The following DLGAP2 variants were observed in gnomAD, a reference collection of about 807,000 sequenced individuals.
DLGAP2 encodes the protein DLG associated protein 2.
In DLGAP2, 26 loss-of-function variants were observed where a neutral mutation model predicts 100.3. The ratio of observed to expected loss-of-function variants is 0.26; its 90% CI spans 0.19 to 0.36. The LOEUF is 0.36. DLGAP2 is among the 10% of genes least tolerant of loss of function. DLGAP2 has a pLI of 1.00. For missense variants in DLGAP2, 1,858 were observed against 1,453.2 expected, an observed-to-expected ratio of 1.28 and a Z score of -4.53; for synonymous variants, 886 against 630.1, an observed-to-expected ratio of 1.41 and a Z score of -6.08.
intron 8 of DLGAP2, among the ~76,000 whole-genome samples, chr8:1,639,660 G>A (rs775217699): frequency 2.6e-5 from 4 of 152,216 alleles, no homozygotes; most frequent in East Asian, 3.9e-4. Flanking sequence ...CAGATGTGCC[G>A]TCTCACAGTC....
chr8:831,284 T>A (rs1217759356), intron 1 of DLGAP2, among the ~76,000 whole-genome samples: 2 of 150,670 alleles, frequency 1.3e-5, no homozygotes, highest in Admixed American at 6.6e-5. Context: ...TACATAGGTA[T>A]ATACATGTGC....
chr8:1,072,521 A>G (rs1803466106), intron 2 of DLGAP2, among the ~76,000 whole-genome samples: 1 of 152,146 alleles, frequency 6.6e-6, no homozygotes, highest in African/African-American at 2.4e-5. Flanking sequence ...ATTTCACCGC[A>G]GCGTTTCTCC....
intron 1 of DLGAP2, among the ~76,000 whole-genome samples, chr8:820,697 C>T (rs1438336090): frequency 1.3e-5 from 2 of 152,156 alleles, no homozygotes; most frequent in Non-Finnish European, 2.9e-5. Context: ...ATGTGCATAT[C>T]CTTTGACTCA....
chr8:1,155,583 G>T (rs1796767265), intron 2 of DLGAP2, among the ~76,000 whole-genome samples: 1 of 150,832 alleles, frequency 6.6e-6, no homozygotes, highest in South Asian at 2.1e-4. Flanking sequence ...CTCGCAGGTT[G>T]CAGGGTAGCC....
At chr8:1,544,110 C>T (rs1801454081) in intron 4 of DLGAP2, among the ~76,000 whole-genome samples, 1 of 152,060 alleles carries the variant, frequency 6.6e-6, no homozygotes, top group African/African-American at 2.4e-5. Context: ...GCCATGTTGT[C>T]CAGGCTGGTC....
chr8:930,499 C>T (rs896246388), intron 2 of DLGAP2, among the ~76,000 whole-genome samples: 8 of 152,124 alleles, frequency 5.3e-5, no homozygotes, highest in Non-Finnish European at 1.2e-4. Context: ...AGAAAAGGTC[C>T]GAGGAGGGGA....
intron 1 of DLGAP2, among the ~76,000 whole-genome samples, chr8:905,129 C>A (rs1035428502): frequency 1.3e-5 from 2 of 152,156 alleles, no homozygotes; most frequent in African/African-American, 4.8e-5. Context: ...GGATTCTACC[C>A]TGGAAGGTTG....
intron 2 of DLGAP2, among the ~76,000 whole-genome samples, chr8:1,103,076 G>A (rs369572298): frequency 3.0e-4 from 46 of 151,816 alleles, no homozygotes; most frequent in African/African-American, 1.0e-3. Context: ...CGGGGTCTTC[G>A]TAACTTTCTG....
intron 3 of DLGAP2, among the ~76,000 whole-genome samples, chr8:1,361,171 G>C (rs112784790): frequency 7.0e-4 from 106 of 152,276 alleles, no homozygotes; most frequent in African/African-American, 2.4e-3. Context: ...ATTTGCAACA[G>C]TGTCTGCAGG....
At chr8:979,181 C>T (rs1800259167) in intron 2 of DLGAP2, among the ~76,000 whole-genome samples, 1 of 152,190 alleles carries the variant, frequency 6.6e-6, no homozygotes, top group Admixed American at 6.5e-5. Flanking sequence ...ATCACACTGA[C>T]TTCACAAAGG....
In DLGAP2 at chr8:1,656,346, A is replaced by T. The variant is rs184526444; in HGVS notation, c.1811-11983A>T. Among the ~76,000 whole-genome samples, 852 of 151,940 alleles carry T rather than the reference A, an allele frequency of 5.6e-3. 27 individuals are homozygous for T. The highest frequency in any genetic ancestry group is 0.052 in the Admixed American group (791 of 15,266). On this transcript the variant is annotated intron_variant, in intron 8 of 14. Transcript: ENST00000637795. ...AAAGTTTGAGCCATTTGTTGTGGCC[A>T]GTAGCTAAGTTATTGGTCAGGGCAG...
At chr8:750,507 A>G (rs1185425987) in intron 1 of DLGAP2, among the ~76,000 whole-genome samples, 2 of 152,250 alleles carry the variant, frequency 1.3e-5, no homozygotes. Flanking sequence ...TATAAACAGA[A>G]AATTAAAGAA....
intron 3 of DLGAP2, among the ~76,000 whole-genome samples, chr8:1,412,987 C>T (rs1171570272): frequency 6.6e-6 from 1 of 152,070 alleles, no homozygotes; most frequent in Non-Finnish European, 1.5e-5. Flanking sequence ...CTTGCCCTTC[C>T]TGACCACAGT....
chr8:1,582,823 C>A (rs775632669), intron 6 of DLGAP2, among the ~76,000 whole-genome samples: 4 of 152,134 alleles, frequency 2.6e-5, no homozygotes, highest in African/African-American at 9.7e-5. Flanking sequence ...GTCTCAAACT[C>A]CTGACCTGAA....
At chr8:848,108 G>C (rs776923723) in intron 1 of DLGAP2, among the ~76,000 whole-genome samples, 1 of 152,124 alleles carries the variant, frequency 6.6e-6, no homozygotes, top group Admixed American at 6.6e-5. Flanking sequence ...TCTGTCTGTC[G>C]TGTTTCCTTT....
At chr8:1,222,864 A>C (rs530148010) in intron 2 of DLGAP2, among the ~76,000 whole-genome samples, 81 of 152,248 alleles carry the variant, frequency 5.3e-4, no homozygotes, top group African/African-American at 1.8e-3. Context: ...AGGGGCGTTC[A>C]GATCAGACTG....
At chr8:1,252,249 T>C (rs1799061230) in intron 2 of DLGAP2, among the ~76,000 whole-genome samples, 1 of 152,040 alleles carries the variant, frequency 6.6e-6, no homozygotes. Flanking sequence ...TGTGTTGTCC[T>C]GGGTCGTGGT....
intron 2 of DLGAP2, among the ~76,000 whole-genome samples, chr8:915,949 GCCCGTCCGTCAGTTCA>G (rs1488129890): frequency 7.1e-6 from 1 of 140,396 alleles, no homozygotes; most frequent in Non-Finnish European, 1.5e-5. Flanking sequence ...TCTTTTTTCT[GCCCGTCCGTCAGTTCA>G]CCCGTCCGTC....
At chr8:1,441,010 G>A (rs997486283) in intron 3 of DLGAP2, among the ~76,000 whole-genome samples, 7 of 152,170 alleles carry the variant, frequency 4.6e-5, no homozygotes, top group African/African-American at 1.7e-4. Context: ...AATGGTAGGG[G>A]CATACATAGA....
Sources: allele counts gnomAD v4.1 joint callset (sites outside exome capture counted in the v4.1 genomes callset), GRCh38; gene constraint gnomAD v4.1.1; transcripts MANE v1.5; gene names NCBI Gene and HGNC (gene_info 2026-07-23, HGNC 2026-07-21).